The following KCNAB1 variants were observed in gnomAD, a reference collection of about 807,000 sequenced individuals.
KCNAB1 encodes the protein potassium voltage-gated channel subfamily A regulatory beta subunit 1.
Under a neutral mutation model 64.6 loss-of-function variants are expected in KCNAB1, and 35 were observed. The observed-to-expected ratio is 0.54, with a 90% confidence interval of 0.41 to 0.72. The LOEUF is 0.72. KCNAB1 is among the 30% of genes least tolerant of loss of function. The pLI is 0.00. For synonymous variants in KCNAB1, 177 were observed against 183.8 expected (o/e 0.96, Z 0.30); for missense variants, 401 against 512.9 (o/e 0.78, Z 2.11).
chr3:156,479,348 G>A (rs930598500), intron 8 of KCNAB1, among the ~76,000 whole-genome samples: 2 of 152,122 alleles, frequency 1.3e-5, no homozygotes, highest in South Asian at 4.1e-4. Context: ...TCAGGCAATA[G>A]AGTCAGTCTG....
chr3:156,401,391 G>T (rs1020244840), intron 1 of KCNAB1, among the ~76,000 whole-genome samples: 3 of 152,226 alleles, frequency 2.0e-5, no homozygotes, highest in African/African-American at 7.2e-5. Context: ...CATTGAAAGT[G>T]TACATCATGA....
chr3:156,455,936 C>G (rs113445249), intron 3 of KCNAB1: 1 of 152,264 alleles, frequency 6.6e-6, no homozygotes, highest in African/African-American at 2.4e-5. Flanking sequence ...TCACATGACC[C>G]TTCCTGAGCA....
intron 8 of KCNAB1, among the ~76,000 whole-genome samples, chr3:156,500,420 T>C (rs1716321049): frequency 6.6e-6 from 1 of 152,068 alleles, no homozygotes. Context: ...AATAACTTAC[T>C]CCATTTAAAA....
intron 8 of KCNAB1, among the ~76,000 whole-genome samples, chr3:156,498,157 C>T (rs1338602585): frequency 6.6e-6 from 1 of 152,092 alleles, no homozygotes; most frequent in African/African-American, 2.4e-5. Context: ...GGTGACAGTG[C>T]CCCCAAAGAA....
intron 2 of KCNAB1, among the ~76,000 whole-genome samples, chr3:156,436,689 T>C (rs943412018): frequency 8.5e-5 from 13 of 152,262 alleles, no homozygotes; most frequent in Non-Finnish European, 1.8e-4. Flanking sequence ...TTTTGTCATA[T>C]GTTTGTAGGC....
At chr3:156,234,019 G>C (rs1716701775) in intron 1 of KCNAB1, among the ~76,000 whole-genome samples, 1 of 151,858 alleles carries the variant, frequency 6.6e-6, no homozygotes, top group African/African-American at 2.4e-5. Context: ...AGAGACACCT[G>C]GGCTAGAGAT....
At chr3:156,157,783 G>C (rs1254680824) in intron 1 of KCNAB1, among the ~76,000 whole-genome samples, 1 of 152,012 alleles carries the variant, frequency 6.6e-6, no homozygotes, top group Admixed American at 6.6e-5. Context: ...ACAACAAAAA[G>C]AACAGGATGA....
At chr3:156,139,584 GTTTTTTTTTTT>G (rs386398329) in intron 1 of KCNAB1, among the ~76,000 whole-genome samples, 114 of 55,258 alleles carry the variant, frequency 2.1e-3, no homozygotes, top group African/African-American at 5.4e-3. Context: ...ATTGTACTGT[GTTTTTTTTTTT>G]TTTTTTTTTT....
At chr3:156,346,559 A>C (rs904199560) in intron 1 of KCNAB1, among the ~76,000 whole-genome samples, 41 of 152,328 alleles carry the variant, frequency 2.7e-4, no homozygotes, top group African/African-American at 9.1e-4. Flanking sequence ...AAATCATGAC[A>C]TTGTCTCTTA....
chr3:156,310,461 C>A (rs1417902240), intron 1 of KCNAB1, among the ~76,000 whole-genome samples: 1 of 152,170 alleles, frequency 6.6e-6, no homozygotes, highest in African/African-American at 2.4e-5. Flanking sequence ...AAGCTACAGA[C>A]TTCTGGGTGG....
chr3:156,326,096 C>T (rs1443064585), intron 1 of KCNAB1, among the ~76,000 whole-genome samples: 2 of 152,126 alleles, frequency 1.3e-5, no homozygotes, highest in African/African-American at 4.8e-5. Flanking sequence ...TGCTTCTCCA[C>T]CAGTCATGCC....
intron 8 of KCNAB1, among the ~76,000 whole-genome samples, chr3:156,479,850 A>G (rs960585790): frequency 3.9e-5 from 6 of 152,120 alleles, no homozygotes; most frequent in Non-Finnish European, 8.8e-5. Context: ...GCAAGACCAA[A>G]GTTAGCTTCA....
chr3:156,388,215 G>A (rs1712759657), intron 1 of KCNAB1, among the ~76,000 whole-genome samples: 1 of 152,188 alleles, frequency 6.6e-6, no homozygotes, highest in African/African-American at 2.4e-5. Flanking sequence ...ATCAAAGGAA[G>A]TAGAACCTTG....
At chr3:156,471,293 G>A (rs1302129815) in intron 7 of KCNAB1, among the ~76,000 whole-genome samples, 1 of 152,056 alleles carries the variant, frequency 6.6e-6, no homozygotes, top group Non-Finnish European at 1.5e-5. Flanking sequence ...ATTGAATTAA[G>A]GTTACCTTCT....
In KCNAB1 at chr3:156,127,804, T is replaced by C. The variant is rs567092828; in HGVS notation, c.275+6918T>C. ...CCAAATGCACAGGGACTTGGTTCAGTCTGCACCCCTGTGACTGCTTTTTTG... is the reference window on the plus strand; with the variant it reads ...CCAAATGCACAGGGACTTGGTTCAGCCTGCACCCCTGTGACTGCTTTTTTG... On this transcript the variant is annotated intron_variant, in intron 1 of 13. Coordinates refer to ENST00000490337, the MANE Select transcript of KCNAB1 (RefSeq NM_172160.3). Among the ~76,000 whole-genome samples, 84 of 152,210 alleles carry C rather than the reference T, an allele frequency of 5.5e-4. 1 individual carries two copies. The highest frequency in any genetic ancestry group is 2.9e-3 in the Admixed American group (45 of 15,288).
At chr3:156,513,383 T>G (rs894723807) in intron 8 of KCNAB1, among the ~76,000 whole-genome samples, 4 of 152,178 alleles carry the variant, frequency 2.6e-5, no homozygotes, top group Admixed American at 2.0e-4. Context: ...AACTCTACTT[T>G]GAGACAAGGA....
chr3:156,329,834 A>G (rs1560199128), intron 1 of KCNAB1, among the ~76,000 whole-genome samples: 1 of 152,180 alleles, frequency 6.6e-6, no homozygotes. Flanking sequence ...TCTTCCATTA[A>G]TTCCACATTT....
At chr3:156,493,180 C>T (rs961183989) in intron 8 of KCNAB1, among the ~76,000 whole-genome samples, 2 of 152,160 alleles carry the variant, frequency 1.3e-5, no homozygotes, top group African/African-American at 4.8e-5. Flanking sequence ...GCCAACCCGT[C>T]TCTCACCAGA....
At chr3:156,181,715 G>T (rs1712830846) in intron 1 of KCNAB1, among the ~76,000 whole-genome samples, 1 of 152,172 alleles carries the variant, frequency 6.6e-6, no homozygotes, top group Admixed American at 6.5e-5. Context: ...CTAGTTGGCT[G>T]TGTGTGGGGA....
Sources: gnomAD v4.1 joint callset for allele counts (sites outside exome capture counted in the v4.1 genomes callset) on GRCh38, gnomAD v4.1.1 for gene constraint, MANE v1.5 for transcripts, NCBI Gene and HGNC (gene_info 2026-07-23, HGNC 2026-07-21) for gene names.